Variants in LRP1B observed in about 807,000 individuals in gnomAD.
The protein encoded by LRP1B is low-density lipoprotein receptor-related protein 1B.
A neutral mutation model predicts 556.6 loss-of-function variants in LRP1B; 217 were observed. That is an observed-to-expected ratio of 0.39 (90% CI 0.35 to 0.44). The LOEUF is 0.44. Among genes scored for constraint, LRP1B ranks in the 20% least tolerant of loss-of-function variants. LRP1B has a pLI of 1.00. For synonymous variants in LRP1B, 2,047 were observed against 1,865.8 expected (o/e 1.10, Z -2.50); for missense variants, 5,053 against 5,620.8 (o/e 0.90, Z 3.23).
At chr2:140,369,894 T>C (rs1682918358) in intron 71 of LRP1B, among the ~76,000 whole-genome samples, 1 of 151,992 alleles carries the variant, frequency 6.6e-6, no homozygotes, top group Non-Finnish European at 1.5e-5. Flanking sequence ...ACCATCTCTA[T>C]GGATGATCTT....
chr2:140,949,065 C>G (rs1345050546), intron 20 of LRP1B, among the ~76,000 whole-genome samples: 1 of 152,164 alleles, frequency 6.6e-6, no homozygotes, highest in Non-Finnish European at 1.5e-5. Flanking sequence ...GTGTAAAACA[C>G]TTTGAAAATG....
At chr2:141,995,667 A>G (rs1702470000) in intron 1 of LRP1B, among the ~76,000 whole-genome samples, 1 of 152,222 alleles carries the variant, frequency 6.6e-6, no homozygotes, top group African/African-American at 2.4e-5. Flanking sequence ...AGTTTCATGT[A>G]CTTGTCATAA....
chr2:140,387,218 T>A (rs1224623038), intron 66 of LRP1B, among the ~76,000 whole-genome samples: 1 of 152,082 alleles, frequency 6.6e-6, no homozygotes, highest in Non-Finnish European at 1.5e-5. Flanking sequence ...AAGGAGTGGG[T>A]AGGTTATTGG....
chr2:141,124,959 G>A (rs1358084327), intron 7 of LRP1B, among the ~76,000 whole-genome samples: 1 of 152,114 alleles, frequency 6.6e-6, no homozygotes, highest in Non-Finnish European at 1.5e-5. Context: ...TTTGTGGTGT[G>A]TCAGTCTAGT....
chr2:141,860,100 C>T (rs1157894655), intron 1 of LRP1B, among the ~76,000 whole-genome samples: 1 of 152,114 alleles, frequency 6.6e-6, no homozygotes, highest in Non-Finnish European at 1.5e-5. Flanking sequence ...TCTTTTGGGG[C>T]ATTACTCAAT....
intron 6 of LRP1B, among the ~76,000 whole-genome samples, chr2:141,224,236 T>A (rs185040148): frequency 6.6e-6 from 1 of 150,654 alleles, no homozygotes; most frequent in East Asian, 1.9e-4. Context: ...CCAGCAAACA[T>A]GTGGAAAATA....
At chr2:140,586,548 A>C (rs566773144) in intron 43 of LRP1B, 2 of 152,446 alleles carry the variant, frequency 1.3e-5, no homozygotes, top group African/African-American at 4.8e-5. Flanking sequence ...TGTCAGAAGC[A>C]GCTCACTGGA....
chr2:141,258,827 T>C (rs1183783642), intron 3 of LRP1B, among the ~76,000 whole-genome samples: 2 of 152,188 alleles, frequency 1.3e-5, no homozygotes, highest in African/African-American at 4.8e-5. Context: ...TCCTTTCTTT[T>C]TGGCTTCCAC....
intron 21 of LRP1B, among the ~76,000 whole-genome samples, chr2:140,908,892 C>T (rs1366591341): frequency 6.6e-6 from 1 of 152,138 alleles, no homozygotes; most frequent in Non-Finnish European, 1.5e-5. Context: ...CTCCGCCTCC[C>T]AGGTTCAAGC....
rs201503377 is a variant in LRP1B at position 140,483,615 on chromosome 2, CATATAT to C, written c.9425+1722_9425+1727del. ...ATATATAGACACACACACACACACA[CATATAT>C]ATATATATATATATATATATTTTTT... On this transcript the variant is annotated intron_variant, in intron 59 of 90. Coordinates refer to ENST00000389484, the MANE Select transcript of LRP1B (RefSeq NM_018557.3). 3.2e-3 allele frequency among the ~76,000 whole-genome samples: 284 copies of C among 88,330 alleles called. 2 individuals carry two copies. The highest frequency in any genetic ancestry group is 0.021 in the Middle Eastern group (3 of 144). 57.9% of individuals were successfully genotyped at this position (88,330 alleles called of 152,430 possible). A position where few individuals can be genotyped will look rare whatever the true frequency, so the allele number is the denominator to read the frequency against.
At chr2:141,157,364 T>C (rs1233082740) in intron 7 of LRP1B, among the ~76,000 whole-genome samples, 1 of 152,072 alleles carries the variant, frequency 6.6e-6, no homozygotes, top group Non-Finnish European at 1.5e-5. Context: ...TTACATAGTA[T>C]ATATAGAAAA....
At chr2:141,934,100 T>C (rs979305286) in intron 1 of LRP1B, among the ~76,000 whole-genome samples, 1 of 152,162 alleles carries the variant, frequency 6.6e-6, no homozygotes, top group African/African-American at 2.4e-5. Context: ...CCAAGGATAT[T>C]TGAATAAAAA....
intron 66 of LRP1B, among the ~76,000 whole-genome samples, chr2:140,410,792 A>G (rs1684940359): frequency 6.6e-6 from 1 of 152,186 alleles, no homozygotes; most frequent in Non-Finnish European, 1.5e-5. Flanking sequence ...ATTAGGTTTT[A>G]GAAAGAAAAG....
At chr2:140,428,332 T>C (rs140096575) in intron 66 of LRP1B, among the ~76,000 whole-genome samples, 5,081 of 152,022 alleles carry the variant, frequency 0.033, 245 homozygotes, top group African/African-American at 0.11. Flanking sequence ...CCCAGCCACA[T>C]CTCCAGCACA....
chr2:141,162,635 T>C (rs1680086883), intron 7 of LRP1B, among the ~76,000 whole-genome samples: 1 of 152,092 alleles, frequency 6.6e-6, no homozygotes, highest in Non-Finnish European at 1.5e-5. Context: ...TTTCCCAGTG[T>C]TTGATATAAA....
chr2:141,002,523 A>G (rs1201347494), intron 15 of LRP1B, among the ~76,000 whole-genome samples: 1 of 152,062 alleles, frequency 6.6e-6, no homozygotes, highest in Non-Finnish European at 1.5e-5. Context: ...TTTGCATATA[A>G]CCTACACATA....
chr2:141,840,761 A>G (rs553802160), intron 1 of LRP1B, among the ~76,000 whole-genome samples: 1 of 152,318 alleles, frequency 6.6e-6, no homozygotes, highest in East Asian at 1.9e-4. Context: ...AAAGATGGCC[A>G]GTGATTTACT....
At chr2:141,277,863 C>T (rs1229881217) in intron 3 of LRP1B, among the ~76,000 whole-genome samples, 1 of 151,768 alleles carries the variant, frequency 6.6e-6, no homozygotes, top group African/African-American at 2.4e-5. Flanking sequence ...CCCAAAGGGG[C>T]AGATTATATG....
chr2:141,071,641 G>A (rs192047104), intron 7 of LRP1B, among the ~76,000 whole-genome samples: 3 of 152,220 alleles, frequency 2.0e-5, no homozygotes, highest in Admixed American at 6.5e-5. Context: ...AAGCTGACAA[G>A]AAACTTCAGC....
Sources: allele counts gnomAD v4.1 joint callset (sites outside exome capture counted in the v4.1 genomes callset), GRCh38; gene constraint gnomAD v4.1.1; transcripts MANE v1.5; gene names NCBI Gene and HGNC (gene_info 2026-07-23, HGNC 2026-07-21).